GPC5: variants seen among roughly 807,000 people sequenced by gnomAD.
GPC5 encodes the protein glypican 5.
In GPC5, 47 loss-of-function variants were observed where a neutral mutation model predicts 53.9. The ratio of observed to expected loss-of-function variants is 0.87; its 90% confidence interval spans 0.69 to 1.11. The LOEUF is 1.11. Ranked by LOEUF, GPC5 falls within the 50% of genes most tolerant of loss-of-function variation. The pLI is 0.00. For synonymous variants in GPC5, 286 were observed against 263.3 expected, an observed-to-expected ratio of 1.09 and a Z score of -0.84; for missense variants, 748 against 713.1, an observed-to-expected ratio of 1.05 and a Z score of -0.56.
intron 6 of GPC5, among the ~76,000 whole-genome samples, chr13:92,021,842 T>G (rs1334726272): frequency 6.6e-6 from 1 of 152,168 alleles, no homozygotes; most frequent in Non-Finnish European, 1.5e-5. Context: ...GATTTTCCCT[T>G]TCTCTTTTTA....
intron 2 of GPC5, among the ~76,000 whole-genome samples, chr13:91,555,651 G>T (rs1238112872): frequency 1.3e-5 from 2 of 152,016 alleles, no homozygotes; most frequent in African/African-American, 2.4e-5. Context: ...TGTTGCTAAA[G>T]ATATACCCAA....
intron 7 of GPC5, among the ~76,000 whole-genome samples, chr13:92,621,415 G>T (rs1884863890): frequency 6.6e-6 from 1 of 152,126 alleles, no homozygotes; most frequent in Non-Finnish European, 1.5e-5. Context: ...ATTCCTTTTA[G>T]TAAAGATAAA....
chr13:92,797,764 T>C (rs1781745278), intron 7 of GPC5, among the ~76,000 whole-genome samples: 2 of 151,192 alleles, frequency 1.3e-5, no homozygotes, highest in South Asian at 4.2e-4. Flanking sequence ...ATATAAGAGA[T>C]GATAGATAGA....
chr13:92,022,098 C>T (rs1282968211), intron 6 of GPC5, among the ~76,000 whole-genome samples: 1 of 152,068 alleles, frequency 6.6e-6, no homozygotes, highest in Non-Finnish European at 1.5e-5. Flanking sequence ...CTCCCAGGTT[C>T]AAGTGATTCT....
At chr13:92,706,592 A>G (rs1048105068) in intron 7 of GPC5, among the ~76,000 whole-genome samples, 2 of 152,076 alleles carry the variant, frequency 1.3e-5, no homozygotes, top group African/African-American at 4.8e-5. Flanking sequence ...TGGTCTTTTG[A>G]CAGCCCTTAC....
intron 7 of GPC5, among the ~76,000 whole-genome samples, chr13:92,359,905 A>G (rs2043552219): frequency 6.6e-6 from 1 of 151,630 alleles, no homozygotes; most frequent in Non-Finnish European, 1.5e-5. Flanking sequence ...AATTCAAACC[A>G]TATCACTCAG....
intron 2 of GPC5, among the ~76,000 whole-genome samples, chr13:91,613,055 GT>G (rs1443531186): frequency 2.0e-5 from 3 of 152,192 alleles, no homozygotes; most frequent in African/African-American, 4.8e-5. Flanking sequence ...ATCAACCTAA[GT>G]TTTTTTATGT....
intron 2 of GPC5, among the ~76,000 whole-genome samples, chr13:91,602,113 T>C (rs1205561238): frequency 1.3e-5 from 2 of 152,358 alleles, no homozygotes; most frequent in East Asian, 3.9e-4. Context: ...GATATATGCA[T>C]TTACAGTAGT....
intron 7 of GPC5, among the ~76,000 whole-genome samples, chr13:92,748,312 T>G (rs1275966585): frequency 2.3e-4 from 7 of 30,330 alleles, no homozygotes; most frequent in African/African-American, 7.2e-4. Flanking sequence ...GCATTTTATT[T>G]TATTATTATT....
chr13:91,801,240 T>C (rs1263218893), intron 5 of GPC5, among the ~76,000 whole-genome samples: 3 of 143,048 alleles, frequency 2.1e-5, no homozygotes, highest in Non-Finnish European at 4.5e-5. Flanking sequence ...TAACTCCCTG[T>C]GACATCCATA....
intron 6 of GPC5, among the ~76,000 whole-genome samples, chr13:92,125,298 C>T (rs1279408517): frequency 6.6e-6 from 1 of 152,128 alleles, no homozygotes; most frequent in Non-Finnish European, 1.5e-5. Flanking sequence ...CATCTGGATT[C>T]CCACCAACAA....
chr13:92,603,822 T>A (rs1884162941), intron 7 of GPC5, among the ~76,000 whole-genome samples: 1 of 152,102 alleles, frequency 6.6e-6, no homozygotes, highest in Non-Finnish European at 1.5e-5. Flanking sequence ...ATTGCCATCT[T>A]CTCCATAGCC....
chr13:92,704,567 A>G (rs958710599), intron 7 of GPC5, among the ~76,000 whole-genome samples: 5 of 152,028 alleles, frequency 3.3e-5, no homozygotes, highest in Admixed American at 1.3e-4. Flanking sequence ...TATTCTTTAT[A>G]TATGATTTCT....
chr13:92,768,171 G>A (rs938162498), intron 7 of GPC5, among the ~76,000 whole-genome samples: 18 of 152,190 alleles, frequency 1.2e-4, no homozygotes, highest in Admixed American at 9.2e-4. Context: ...TTTTTCATAC[G>A]TAGAATTTCA....
chr13:91,980,255 G>T (rs2040345221), intron 6 of GPC5, among the ~76,000 whole-genome samples: 1 of 152,082 alleles, frequency 6.6e-6, no homozygotes. Flanking sequence ...TGGTGTCTAG[G>T]CCACTTAGAT....
intron 3 of GPC5, among the ~76,000 whole-genome samples, chr13:91,721,714 G>A (rs1408768816): frequency 1.3e-5 from 2 of 152,072 alleles, no homozygotes; most frequent in Admixed American, 6.6e-5. Flanking sequence ...TTTTAGAGTT[G>A]TTCTCTCTGC....
chr13:92,390,569 C>T (rs1874949043), intron 7 of GPC5, among the ~76,000 whole-genome samples: 1 of 152,028 alleles, frequency 6.6e-6, no homozygotes, highest in African/African-American at 2.4e-5. Flanking sequence ...GCTTTTTACC[C>T]CTCTGCACTG....
chr13:91,623,320 A>C (rs2033912577), intron 2 of GPC5, among the ~76,000 whole-genome samples: 1 of 152,096 alleles, frequency 6.6e-6, no homozygotes, highest in African/African-American at 2.4e-5. Context: ...AGCAAGATTT[A>C]TTTGGTGACA....
At chr13:92,309,297 C>T (rs1027135666) in intron 7 of GPC5, among the ~76,000 whole-genome samples, 2 of 152,008 alleles carry the variant, frequency 1.3e-5, no homozygotes, top group African/African-American at 4.8e-5. Flanking sequence ...ATAACTCAGT[C>T]CTGAAATATG....
Sources: allele counts gnomAD v4.1 joint callset (sites outside exome capture counted in the v4.1 genomes callset), GRCh38; gene constraint gnomAD v4.1.1; transcripts MANE v1.5; gene names NCBI Gene and HGNC (gene_info 2026-07-23, HGNC 2026-07-21).